The following GOLGA3 variants were observed in gnomAD, a reference collection of about 807,000 sequenced individuals.
The protein encoded by GOLGA3 is golgin subfamily A member 3.
GOLGA3 carries 75 observed loss-of-function variants against 169.4 expected under a neutral mutation model. That is an observed-to-expected ratio of 0.44 (90% CI 0.37 to 0.54). The LOEUF is 0.54. GOLGA3 is among the 20% of genes least tolerant of loss of function. The pLI is 0.00. For synonymous variants in GOLGA3, 824 were observed against 822.4 expected, an observed-to-expected ratio of 1.00 and a Z score of -0.03; for missense variants, 1,899 against 1,930.0, an observed-to-expected ratio of 0.98 and a Z score of 0.30.
In GOLGA3 at chr12:132,777,907, C is replaced by T. The variant is rs2045342183; in HGVS notation, c.3583-102G>A. Reference sequence around the variant, plus strand: ...AATGCACTCCCGGCCCCGTGCATGTCCTGGCTGCCGGCGTGTGCTTCTCCA... The same window carrying T: ...AATGCACTCCCGGCCCCGTGCATGTTCTGGCTGCCGGCGTGTGCTTCTCCA... On this transcript the variant is annotated intron_variant, in intron 18 of 23. Coordinates refer to ENST00000450791, the MANE Select transcript of GOLGA3 (RefSeq NM_001389683.1). The surrounding 1 kb of genome is among the most constrained non-coding windows in gnomAD (Gnocchi z 4.7). 1 of 1,296,638 alleles carries T rather than the reference C, an allele frequency of 7.7e-7. No individual in the cohort carries two copies. The highest frequency in any genetic ancestry group is 1.5e-5 in the African/African-American group (1 of 68,126). 80.3% of individuals were successfully genotyped at this position (1,296,638 alleles called of 1,614,324 possible). A position where few individuals can be genotyped will look rare whatever the true frequency, so the allele number is the denominator to read the frequency against.
chr12:132,816,539 C>T lies in GOLGA3; in HGVS notation c.406+1G>A, dbSNP rs1430828600. 1 of 1,611,698 alleles carries T rather than the reference C, an allele frequency of 6.2e-7. No individual in the cohort carries two copies. Among genetic ancestry groups the T allele is most frequent in the Non-Finnish European group, 8.5e-7 (1 of 1,178,218 alleles). On this transcript the variant is annotated splice_donor_variant, in intron 3 of 23. Transcript: ENST00000450791. LOFTEE classifies it high-confidence loss of function. ...GGAAAAGCGGGGTAACGGATGCTTA[C>T]ACAGTTGCGTTTCTTGCATAGGAAG...
chr12:132,774,414 G>A, intron 22 of GOLGA3, 94 bp from the exon 23 acceptor site: 1 of 1,383,988 alleles, frequency 7.2e-7, no homozygotes, highest in Admixed American at 1.8e-5. Context: ...CTCCCCAACT[G>A]GTGGACGTGG....
intron 4 of GOLGA3, among the ~76,000 whole-genome samples, chr12:132,812,229 ATTTTT>A (rs1156328379): frequency 1.4e-5 from 2 of 143,842 alleles, no homozygotes; most frequent in African/African-American, 2.6e-5. Flanking sequence ...ATATATATAT[ATTTTT>A]TTTAACTGCT....
At position 132,805,092 on chromosome 12, in the gene GOLGA3, A is replaced by G. The variant is rs114399765; in HGVS notation, c.1291-70T>C. 5.8e-3 allele frequency: 8,769 copies of G among 1,508,880 alleles called. 389 individuals carry two copies. In the African/African-American group the frequency reaches 0.1, roughly 18 times the overall value. The allele number at this position is 1,508,880 out of a possible 1,614,324, so 93.5% of individuals were successfully genotyped here. A position where few individuals can be genotyped will look rare whatever the true frequency, so the allele number is the denominator to read the frequency against. On this transcript the variant is annotated intron_variant, in intron 6 of 23. Coordinates refer to ENST00000450791, the MANE Select transcript of GOLGA3 (RefSeq NM_001389683.1). Reference sequence around the variant, plus strand: ...ACTTCCATCCAGTGTATTAACAGGAACACAACCAGCGAGTCAGTCAGGGCC... The same window carrying G: ...ACTTCCATCCAGTGTATTAACAGGAGCACAACCAGCGAGTCAGTCAGGGCC...
At chr12:132,802,035 C>A (rs1346375001) in intron 7 of GOLGA3, 66 bp from the exon 8 acceptor site, 3 of 1,265,502 alleles carry the variant, frequency 2.4e-6, no homozygotes, top group Non-Finnish European at 3.3e-6. Flanking sequence ...CAGCTCCGCG[C>A]GTGCGGGACA....
chr12:132,805,041 C>A lies in GOLGA3; in HGVS notation c.1291-19G>T. The A allele has an allele frequency of 6.3e-7, 1 of 1,597,224 alleles. No individual in the cohort carries two copies. ...TAAGTGCCTGAAAAGATCCCAACAA[C>A]CACAATGATTTTAAGAAAACGAGTC... On this transcript the variant is annotated intron_variant, in intron 6 of 23. Coordinates refer to ENST00000450791, the MANE Select transcript of GOLGA3 (RefSeq NM_001389683.1).
rs531263306 is a variant in GOLGA3, at chr12:132,774,076, C to T, written c.4307+81G>A. 6.8e-6 allele frequency: 9 copies of T among 1,314,792 alleles called. No homozygotes were observed. In the East Asian group the frequency reaches 1.2e-4, roughly 17 times the overall value. 81.4% of individuals were successfully genotyped at this position (1,314,792 alleles called of 1,614,324 possible). A position where few individuals can be genotyped will look rare whatever the true frequency, so the allele number is the denominator to read the frequency against. On this transcript the variant is annotated intron_variant, in intron 23 of 23. Transcript: ENST00000450791. ...CTGAAACTCTGCTGGGCACTCAGTA[C>T]TGGCACCAGGAGTGCCCTCCCAGGT...
intron 8 of GOLGA3, 96 bp downstream of exon 8, chr12:132,801,671 T>A: frequency 9.1e-6 from 11 of 1,204,058 alleles, no homozygotes; most frequent in Admixed American, 3.7e-5. Context: ...AAAACATGCC[T>A]GTGAACTCTA....
Position 132,808,448 on chromosome 12 carries a change from T to C in GOLGA3, c.621A>G (p.Thr207=). 6.2e-7 allele frequency: 1 copy of C among 1,614,164 alleles called. No individual in the cohort carries two copies. Among genetic ancestry groups the C allele is most frequent in the Admixed American group, 1.7e-5 (1 of 60,022 alleles). Residue 207 remains threonine, a synonymous_variant, in exon 5 of 24, where the codon ACA becomes ACG. Coordinates refer to ENST00000450791, the MANE Select transcript of GOLGA3 (RefSeq NM_001389683.1). ...TGGTGCGCAGGAAGGAATATTCTTT[T>C]GTCATAGCCAGGGTACTGGCCCTTG... ...NLPRASTLAM[T]KEYSFLRTSV...
At chr12:132,799,829 C>T (rs758150097) in intron 8 of GOLGA3, among the ~76,000 whole-genome samples, 2 of 152,218 alleles carry the variant, frequency 1.3e-5, no homozygotes, top group African/African-American at 2.4e-5. Context: ...CAACCTCTGC[C>T]TCCTGGATTC....
At chr12:132,780,328 A>T (rs1303986232) in intron 18 of GOLGA3, among the ~76,000 whole-genome samples, 1 of 152,200 alleles carries the variant, frequency 6.6e-6, no homozygotes, top group Non-Finnish European at 1.5e-5. Context: ...AGCAGGGCCC[A>T]GACAGGGCAC....
chr12:132,778,070 T>A (rs2045349399), intron 18 of GOLGA3, among the ~76,000 whole-genome samples: 1 of 152,228 alleles, frequency 6.6e-6, no homozygotes, highest in African/African-American at 2.4e-5. Flanking sequence ...ATAGTTTTTA[T>A]AGTCTTCTTC....
chr12:132,808,607 A>T, intron 4 of GOLGA3, 58 bp from the exon 5 acceptor site: 1 of 1,346,248 alleles, frequency 7.4e-7, no homozygotes, highest in Non-Finnish European at 1.0e-6. Flanking sequence ...AGCATACTTA[A>T]AACTGCCATT....
chr12:132,828,386 CGACAAA>C (rs1472824439), intron 1 of GOLGA3: 2 of 152,302 alleles, frequency 1.3e-5, no homozygotes, highest in Non-Finnish European at 2.9e-5. Context: ...AGTCGGCCAG[CGACAAA>C]GACAAACAAG....
intron 3 of GOLGA3, among the ~76,000 whole-genome samples, chr12:132,814,589 A>G (rs1448359463): frequency 1.3e-5 from 2 of 152,216 alleles, no homozygotes; most frequent in African/African-American, 2.4e-5. Context: ...CGCACAGCTC[A>G]TCTCAGCTCC....
At position 132,821,620 on chromosome 12, in the gene GOLGA3, T is replaced by C. The variant is rs368061316; in HGVS notation, c.133+376A>G. Among the ~76,000 whole-genome samples, 73 of 151,988 alleles carry C rather than the reference T, an allele frequency of 4.8e-4. 1 individual carries two copies. The highest frequency in any genetic ancestry group is 3.7e-3 in the South Asian group (18 of 4,814). On this transcript the variant is annotated intron_variant, in intron 2 of 23. Transcript: ENST00000450791. ...AATCCCAGCACTTTGAGGCTGAGGC[T>C]GAGGCGGGCGGATCACGAAGTCAGG... is the stretch of plus-strand genomic sequence containing the variant.
intron 3 of GOLGA3, among the ~76,000 whole-genome samples, chr12:132,814,666 C>A (rs763086123): frequency 6.6e-6 from 1 of 152,214 alleles, no homozygotes; most frequent in Non-Finnish European, 1.5e-5. Flanking sequence ...TGGCGCCAGG[C>A]CTCACTGCAG....
intron 6 of GOLGA3, among the ~76,000 whole-genome samples, chr12:132,805,292 C>A (rs1460839511): frequency 8.5e-6 from 1 of 118,014 alleles, no homozygotes; most frequent in Non-Finnish European, 1.8e-5. Flanking sequence ...TGACAGAGGA[C>A]CCTGCCCCGA....
At chr12:132,797,982 C>T (rs559962018) in intron 9 of GOLGA3, among the ~76,000 whole-genome samples, 2 of 152,340 alleles carry the variant, frequency 1.3e-5, no homozygotes, top group Admixed American at 6.5e-5. Flanking sequence ...CACTCTGTAC[C>T]CAGCGCCATC....
Sources: gnomAD v4.1 joint callset for allele counts (sites outside exome capture counted in the v4.1 genomes callset) on GRCh38, gnomAD v4.1.1 for gene constraint, Gnocchi (gnomAD v3.1) non-coding constraint, MANE v1.5 for transcripts, NCBI Gene and HGNC (gene_info 2026-07-23, HGNC 2026-07-21) for gene names.